The following DYNC1I1 variants were observed in gnomAD, a reference collection of about 807,000 sequenced individuals.
The protein encoded by DYNC1I1 is dynein cytoplasmic 1 intermediate chain 1.
A neutral mutation model predicts 86.6 loss-of-function variants in DYNC1I1; 43 were observed. The observed-to-expected ratio is 0.50, with a 90% CI of 0.39 to 0.64. DYNC1I1 has a LOEUF of 0.64. Ranked by LOEUF, DYNC1I1 falls within the 30% of genes least tolerant of loss-of-function variation. The probability of loss-of-function intolerance (pLI) is 0.00; values close to 1 mark genes in which losing one functional copy is unlikely to be tolerated. For synonymous variants in DYNC1I1, 262 were observed against 283.7 expected, an observed-to-expected ratio of 0.92 and a Z score of 0.77; for missense variants, 604 against 788.8, an observed-to-expected ratio of 0.77 and a Z score of 2.81.
chr7:95,904,130 A>G (rs1259454107), intron 6 of DYNC1I1, among the ~76,000 whole-genome samples: 1 of 152,176 alleles, frequency 6.6e-6, no homozygotes, highest in African/African-American at 2.4e-5. Context: ...ATTTTAGGGT[A>G]TATGGAGAAG....
intron 1 of DYNC1I1, among the ~76,000 whole-genome samples, chr7:95,777,381 A>G (rs1461130189): frequency 2.0e-5 from 3 of 152,194 alleles, no homozygotes; most frequent in African/African-American, 4.8e-5. Flanking sequence ...ATTCACTGCA[A>G]AGATGAATTT....
intron 14 of DYNC1I1, among the ~76,000 whole-genome samples, chr7:96,071,958 C>A (rs966288595): frequency 6.6e-6 from 1 of 152,158 alleles, no homozygotes; most frequent in African/African-American, 2.4e-5. Context: ...AGAGGATATG[C>A]TTAACAGCTA....
chr7:95,964,815 A>G (rs1426716097), intron 6 of DYNC1I1, among the ~76,000 whole-genome samples: 1 of 152,210 alleles, frequency 6.6e-6, no homozygotes, highest in African/African-American at 2.4e-5. Context: ...ATGATGTGAC[A>G]TTTGAATAAG....
At chr7:96,065,246 T>C (rs763173836) in intron 14 of DYNC1I1, among the ~76,000 whole-genome samples, 8 of 152,126 alleles carry the variant, frequency 5.3e-5, no homozygotes, top group Admixed American at 2.0e-4. Flanking sequence ...AGCCCAGTTA[T>C]GTTCTCCTGC....
chr7:96,023,246 C>G (rs1245841581), intron 10 of DYNC1I1, among the ~76,000 whole-genome samples: 1 of 152,150 alleles, frequency 6.6e-6, no homozygotes, highest in Non-Finnish European at 1.5e-5. Context: ...CCAGTCCCTC[C>G]CTGAGGACCA....
At chr7:96,031,044 G>A (rs568730512) in intron 11 of DYNC1I1, among the ~76,000 whole-genome samples, 11 of 152,230 alleles carry the variant, frequency 7.2e-5, no homozygotes, top group Admixed American at 2.0e-4. Context: ...CCATCAGCAC[G>A]GGGGAAAGAG....
chr7:95,959,995 T>C (rs1238046964), intron 6 of DYNC1I1, among the ~76,000 whole-genome samples: 1 of 152,184 alleles, frequency 6.6e-6, no homozygotes, highest in Non-Finnish European at 1.5e-5. Flanking sequence ...AGCGGACTTG[T>C]GCAGTGTAAG....
chr7:96,092,611 G>T lies in DYNC1I1; in HGVS notation c.1777-4872G>T, dbSNP rs556183866. Among the ~76,000 whole-genome samples the T allele has an allele frequency of 2.0e-4, 30 of 152,230 alleles. 1 individual carries two copies. The South Asian group carries it at 6.0e-3, about 31-fold the overall frequency. On this transcript the variant is annotated intron_variant, in intron 16 of 16. Coordinates refer to ENST00000447467, the MANE Select transcript of DYNC1I1 (RefSeq NM_001135556.2). ...GGACACCCAGGCAAGGCGAGCAAGG[G>T]TTAGACTGATAAGTTTTTCAGGGGT...
chr7:95,780,452 G>A (rs1198041636), intron 1 of DYNC1I1, among the ~76,000 whole-genome samples: 12 of 70,838 alleles, frequency 1.7e-4, no homozygotes, highest in African/African-American at 5.7e-4. Flanking sequence ...TTTTTTTTTT[G>A]TATTTTTAGT....
At chr7:95,856,348 T>G (rs996231316) in intron 5 of DYNC1I1, among the ~76,000 whole-genome samples, 4 of 152,230 alleles carry the variant, frequency 2.6e-5, no homozygotes, top group African/African-American at 9.6e-5. Context: ...CTGGAATACC[T>G]CCTGAAGGAC....
intron 8 of DYNC1I1, among the ~76,000 whole-genome samples, chr7:95,985,874 A>G (rs1793576111): frequency 6.6e-6 from 1 of 152,146 alleles, no homozygotes; most frequent in Admixed American, 6.5e-5. Flanking sequence ...TCTTTAGACT[A>G]CCTTGAAGAA....
intron 16 of DYNC1I1, among the ~76,000 whole-genome samples, chr7:96,103,902 G>A (rs975878613): frequency 2.6e-5 from 4 of 152,130 alleles, no homozygotes; most frequent in Admixed American, 6.5e-5. Flanking sequence ...GTGAGCCACC[G>A]CACCAGGCCT....
chr7:96,092,712 G>A (rs1157267680), intron 16 of DYNC1I1, among the ~76,000 whole-genome samples: 2 of 152,176 alleles, frequency 1.3e-5, no homozygotes, highest in African/African-American at 2.4e-5. Flanking sequence ...GACATGGTCC[G>A]AGAAGTAGTG....
intron 6 of DYNC1I1, among the ~76,000 whole-genome samples, chr7:95,943,226 A>G (rs1047884052): frequency 3.4e-4 from 51 of 152,098 alleles, no homozygotes; most frequent in African/African-American, 1.1e-3. Flanking sequence ...TTATATGCCA[A>G]TAACAGACAA....
intron 6 of DYNC1I1, among the ~76,000 whole-genome samples, chr7:95,953,694 C>T (rs1042331490): frequency 2.6e-5 from 4 of 152,152 alleles, no homozygotes; most frequent in South Asian, 2.1e-4. Flanking sequence ...GTGAGGAAGC[C>T]GAGAAGATGG....
At chr7:95,946,194 C>T (rs978913179) in intron 6 of DYNC1I1, among the ~76,000 whole-genome samples, 9 of 151,936 alleles carry the variant, frequency 5.9e-5, no homozygotes, top group African/African-American at 2.2e-4. Flanking sequence ...ATAGCTAATG[C>T]ATGTGGGGCT....
downstream of DYNC1I1, among the ~76,000 whole-genome samples, chr7:96,102,525 G>A (rs373205538): frequency 5.3e-5 from 8 of 152,304 alleles, no homozygotes; most frequent in East Asian, 9.7e-4. Context: ...AAAGAAGGAA[G>A]CACAGCACCT....
Position 96,065,006 on chromosome 7 carries a change from G to A in DYNC1I1, c.1510-11051G>A, listed in dbSNP as rs968760229. On this transcript the variant is annotated intron_variant, in intron 14 of 16. Coordinates refer to ENST00000447467, the MANE Select transcript of DYNC1I1 (RefSeq NM_001135556.2). ...CTTAGATATTAGTGGTTGATGATTAGATGGGTTCGATTAAAATATCTCAAA... is the reference window on the plus strand; with the variant it reads ...CTTAGATATTAGTGGTTGATGATTAAATGGGTTCGATTAAAATATCTCAAA... 2.0e-5 allele frequency among the ~76,000 whole-genome samples: 3 copies of A among 151,860 alleles called. No homozygotes were observed. In the East Asian group the frequency reaches 5.8e-4, roughly 29 times the overall value.
intron 5 of DYNC1I1, among the ~76,000 whole-genome samples, chr7:95,869,334 A>T (rs1790099373): frequency 6.6e-6 from 1 of 152,126 alleles, no homozygotes; most frequent in South Asian, 2.1e-4. Flanking sequence ...GTGCTATATC[A>T]ATGTGTCTTT....
Sources: gnomAD v4.1 joint callset for allele counts (sites outside exome capture counted in the v4.1 genomes callset) on GRCh38, gnomAD v4.1.1 for gene constraint, MANE v1.5 for transcripts, NCBI Gene and HGNC (gene_info 2026-07-23, HGNC 2026-07-21) for gene names.